The following ITIH4 variants were observed in gnomAD, a reference collection of about 807,000 sequenced individuals.
ITIH4 encodes inter-alpha-trypsin inhibitor heavy chain 4.
ITIH4 carries 79 observed loss-of-function variants against 111.8 expected under a neutral mutation model. The observed-to-expected ratio is 0.71, with a 90% CI of 0.59 to 0.85. ITIH4 has a LOEUF of 0.85. Ranked by LOEUF, ITIH4 falls within the 40% of genes least tolerant of loss-of-function variation. The pLI is 0.00. For missense variants in ITIH4, 1,065 were observed against 1,195.8 expected, an observed-to-expected ratio of 0.89 and a Z score of 1.61; for synonymous variants, 472 against 468.3, an observed-to-expected ratio of 1.01 and a Z score of -0.10.
At chr3:52,825,142 C>G (rs1201716547) in intron 6 of ITIH4, 184 bp from the exon 7 acceptor site, 2 of 429,730 alleles carry the variant, frequency 4.7e-6, no homozygotes, top group South Asian at 6.3e-5. Context: ...TTGCGGAAGC[C>G]TTCCCTGCTC....
intron 22 of ITIH4, 21 bp downstream of exon 22, chr3:52,814,187 GC>G (rs751076068): frequency 6.2e-7 from 1 of 1,609,678 alleles, no homozygotes; most frequent in Non-Finnish European, 8.5e-7. Flanking sequence ...GAAGGCCTGG[GC>G]CCCGGTAATG....
chr3:52,819,559 G>T, intron 16 of ITIH4, 41 bp from the exon 17 acceptor site: 1 of 1,612,956 alleles, frequency 6.2e-7, no homozygotes, highest in South Asian at 1.1e-5. Flanking sequence ...CTCAGGTGGG[G>T]TGTGGGTCTT....
Position 52,824,295 on chromosome 3 carries a change from T to C in ITIH4, c.1066A>G (p.Met356Val), listed in dbSNP as rs1406795998. The part of the protein sequence containing the change: ...ALGGTNINDA[M>V]LMAVQLLDSS... ...TCCAGCAACTGCACAGCCATCAGCA[T>C]TGCATCATTGATGTTGGTCCCTGAG... Residue 356 changes from methionine to valine, a missense_variant, in exon 9 of 24, where the codon ATG becomes GTG. By Grantham distance (21) the Met-to-Val change is conservative (BLOSUM62 1). Transcript: ENST00000266041. The surrounding 1 kb of genome is among the most constrained non-coding windows in gnomAD (Gnocchi z 4.3). 1.2e-6 allele frequency: 2 copies of C among 1,613,464 alleles called. No homozygotes were observed. Among genetic ancestry groups the C allele is most frequent in the African/African-American group, 1.3e-5 (1 of 75,048 alleles).
chr3:52,813,967 C>T lies in ITIH4; in HGVS notation c.2723+8G>A. ...GCTGGGCTCAGCGGTCTGCTTGTGC[C>T]AAGTCACCTGGTGGCAGAGTGGTCA... On this transcript the variant is annotated splice_region_variant and intron_variant, in intron 23 of 23. Transcript: ENST00000266041. 2 of 1,609,956 alleles carry T rather than the reference C, an allele frequency of 1.2e-6. No individual in the cohort carries two copies. Among genetic ancestry groups the T allele is most frequent in the South Asian group, 1.1e-5 (1 of 90,624 alleles).
intron 23 of ITIH4, 138 bp downstream of exon 23, chr3:52,813,836 TC>T: frequency 1.4e-6 from 1 of 712,122 alleles, no homozygotes; most frequent in Non-Finnish European, 2.4e-6. Flanking sequence ...CTTAGACACT[TC>T]TACAGCATCA....
At chr3:52,817,395 G>A (rs1435553768) in intron 20 of ITIH4, among the ~76,000 whole-genome samples, 4 of 152,224 alleles carry the variant, frequency 2.6e-5, no homozygotes, top group Non-Finnish European at 5.9e-5. Context: ...CGCGGCCAAG[G>A]GTAAGATGGA....
At chr3:52,825,018 C>G in intron 6 of ITIH4, 60 bp from the exon 7 acceptor site, 1 of 1,173,942 alleles carries the variant, frequency 8.5e-7, no homozygotes, top group Non-Finnish European at 1.2e-6. Flanking sequence ...TATCCCCATT[C>G]AGCCCCTTTA....
Position 52,826,665 on chromosome 3 carries a change from G to A in ITIH4, c.520-14C>T, listed in dbSNP as rs1479321235. Reference sequence around the variant, plus strand: ...GTGAATGTCCATCTGGAGGCAAGATGTGGGTCCCTGGGTCAGCCAGGAGCC... The same window carrying A: ...GTGAATGTCCATCTGGAGGCAAGATATGGGTCCCTGGGTCAGCCAGGAGCC... On this transcript the variant is annotated splice_polypyrimidine_tract_variant and intron_variant, in intron 4 of 23. Coordinates refer to ENST00000266041, the MANE Select transcript of ITIH4 (RefSeq NM_002218.5). 1.5e-5 allele frequency: 24 copies of A among 1,612,788 alleles called. No homozygotes were observed. The East Asian group carries it at 5.3e-4, about 36-fold the overall frequency.
At chr3:52,815,718 G>A (rs906875728) in intron 21 of ITIH4, among the ~76,000 whole-genome samples, 3 of 149,028 alleles carry the variant, frequency 2.0e-5, no homozygotes, top group African/African-American at 7.4e-5. Flanking sequence ...TCGGAGATAG[G>A]GTCTCACTCT....
At chr3:52,813,910 G>T in intron 23 of ITIH4, 65 bp downstream of exon 23, 2 of 1,303,174 alleles carry the variant, frequency 1.5e-6, no homozygotes, top group Non-Finnish European at 2.2e-6. Flanking sequence ...GGAGAGCCTG[G>T]CTCCTGGCCT....
intron 20 of ITIH4, 84 bp from the exon 21 acceptor site, chr3:52,817,142 A>C (rs932354572): frequency 9.2e-6 from 11 of 1,192,678 alleles, no homozygotes; most frequent in Admixed American, 2.1e-5. Context: ...CCCTGATCAC[A>C]CCCCCTGGAG....
chr3:52,821,207 C>T, intron 11 of ITIH4, 77 bp from the exon 12 acceptor site: 3 of 1,539,136 alleles, frequency 1.9e-6, no homozygotes, highest in Non-Finnish European at 2.6e-6. Context: ...CTGAGCTCTT[C>T]CATGATTGGG....
In ITIH4 at chr3:52,820,717, C is replaced by A. The variant is rs1441395009; in HGVS notation, c.1748G>T (p.Ser583Ile). Residue 583 changes from serine to isoleucine, a missense_variant, in exon 13 of 24, where the codon AGC (serine) becomes ATC (isoleucine). Transcript: ENST00000266041. ...CATAGATGTGAGAGGCGTGACAAAG[C>A]TGTAGGCAAGTGATAAATTCAGCGC... ...NQALNLSLAYSFVTPLTSMVV... is the reference protein window; with the variant it reads ...NQALNLSLAYIFVTPLTSMVV... The A allele has an allele frequency of 1.2e-6, 2 of 1,614,016 alleles. No individual in the cohort carries two copies. The highest frequency in any genetic ancestry group is 2.2e-5 in the East Asian group (1 of 44,906).
At chr3:52,817,944 G>C in intron 20 of ITIH4, 108 bp downstream of exon 20, 1 of 845,344 alleles carries the variant, frequency 1.2e-6, no homozygotes, top group South Asian at 1.4e-5. Flanking sequence ...GCTATGATCT[G>C]GGAGGGGCCT....
intron 17 of ITIH4, 172 bp downstream of exon 17, chr3:52,819,221 C>T (rs1700329510): frequency 7.3e-6 from 5 of 688,510 alleles, no homozygotes; most frequent in Non-Finnish European, 1.2e-5. Context: ...CCACCCCAGC[C>T]CCAGTAAATG....
In ITIH4 at chr3:52,818,298, A is replaced by C; in HGVS notation, c.2153-15T>G. 1 of 1,576,050 alleles carries C rather than the reference A, an allele frequency of 6.3e-7. No homozygotes were observed. On this transcript the variant is annotated splice_polypyrimidine_tract_variant and intron_variant, in intron 18 of 23. Coordinates refer to ENST00000266041, the MANE Select transcript of ITIH4 (RefSeq NM_002218.5). The stretch of plus-strand genomic sequence containing the variant: ...CATGGTTGTTTCTAAAAGAAGAAAA[A>C]GTCTGGGTTTAGGCAGCCCCTTCCT...
At position 52,825,938 on chromosome 3, in the gene ITIH4, T is replaced by A. The variant is rs753213253; in HGVS notation, c.707A>T (p.Asn236Ile). 5.0e-6 allele frequency: 8 copies of A among 1,614,036 alleles called. No individual in the cohort carries two copies. The highest frequency in any genetic ancestry group is 6.8e-6 in the Non-Finnish European group (8 of 1,179,980). ...PEQQETVLDGNLIIRYDVDRA... is the reference protein window; with the variant it reads ...PEQQETVLDGILIIRYDVDRA... Reference sequence around the variant, plus strand: ...GTCCACATCATAGCGGATAATGAGGTTGCCGTCCAGGACTGTTTCTTGCTG... The same window carrying A: ...GTCCACATCATAGCGGATAATGAGGATGCCGTCCAGGACTGTTTCTTGCTG... Residue 236 changes from asparagine to isoleucine, a missense_variant, in exon 6 of 24, where the codon AAC (asparagine) becomes ATC (isoleucine). Transcript: ENST00000266041.
chr3:52,823,619 C>G lies in ITIH4; in HGVS notation c.1476G>C (p.Val492=), dbSNP rs1342244416. Residue 492 remains valine, a synonymous_variant, in exon 11 of 24, where the codon GTG becomes GTC. Coordinates refer to ENST00000266041, the MANE Select transcript of ITIH4 (RefSeq NM_002218.5). The part of the protein sequence containing the change: ...FRLLFKGSEM[V]VAGKLQDRGP... Reference sequence around the variant, plus strand: ...CCCGGTCCTGGAGCTTCCCAGCCACCACCATCTCTGAGCCCTTGAAGAGGA... The same window carrying G: ...CCCGGTCCTGGAGCTTCCCAGCCACGACCATCTCTGAGCCCTTGAAGAGGA... The G allele has an allele frequency of 3.7e-6, 6 of 1,614,096 alleles. No homozygotes were observed. The highest frequency in any genetic ancestry group is 1.7e-4 in the Middle Eastern group (1 of 6,024).
rs1700220282 is a variant in ITIH4 at position 52,813,123 on chromosome 3, T to G, written c.*298A>C. On this transcript the variant is annotated 3_prime_UTR_variant, in exon 24 of 24. Coordinates refer to ENST00000266041, the MANE Select transcript of ITIH4 (RefSeq NM_002218.5). ...GGTGGTTCGAGCTCAGTTTCCTTGT[T>G]TGTAAAATGAAGGGGCTGGACTGAA... 1 of 335,790 alleles carries G rather than the reference T, an allele frequency of 3.0e-6. No individual in the cohort carries two copies. The highest frequency in any genetic ancestry group is 6.2e-5 in the South Asian group (1 of 16,094). 20.8% of individuals were successfully genotyped at this position (335,790 alleles called of 1,614,324 possible).
Sources: gnomAD v4.1 joint callset for allele counts (sites outside exome capture counted in the v4.1 genomes callset) on GRCh38, gnomAD v4.1.1 for gene constraint, Gnocchi (gnomAD v3.1) non-coding constraint, MANE v1.5 for transcripts, NCBI Gene and HGNC (gene_info 2026-07-23, HGNC 2026-07-21) for gene names.